Variants in DSCAM observed in about 807,000 individuals in gnomAD.
DSCAM encodes DS cell adhesion molecule.
A neutral mutation model predicts 217.7 loss-of-function variants in DSCAM; 47 were observed. The ratio of observed to expected loss-of-function variants is 0.22; its 90% confidence interval spans 0.17 to 0.28. The LOEUF is 0.28. Ranked by LOEUF, DSCAM falls within the 10% of genes least tolerant of loss-of-function variation. The pLI, the probability that DSCAM is intolerant of heterozygous loss-of-function variation, is 1.00. For missense variants in DSCAM, 2,080 were observed against 2,618.3 expected (o/e 0.79, Z 4.49); for synonymous variants, 1,056 against 1,015.3 (o/e 1.04, Z -0.76).
At chr21:40,830,587 C>T (rs1236337835) in intron 1 of DSCAM, among the ~76,000 whole-genome samples, 1 of 152,172 alleles carries the variant, frequency 6.6e-6, no homozygotes, top group Admixed American at 6.5e-5. Context: ...AATTAGACTG[C>T]CCGGGTTCAA....
At chr21:40,039,198 A>G (rs983124153) in intron 32 of DSCAM, among the ~76,000 whole-genome samples, 7 of 152,078 alleles carry the variant, frequency 4.6e-5, no homozygotes, top group Non-Finnish European at 7.4e-5. Context: ...AAGAATATGA[A>G]CTAAGAAAAA....
At chr21:40,483,561 T>C (rs936467858) in intron 3 of DSCAM, among the ~76,000 whole-genome samples, 1 of 152,218 alleles carries the variant, frequency 6.6e-6, no homozygotes, top group Non-Finnish European at 1.5e-5. Context: ...GATTACACAA[T>C]GATAATTTTT....
intron 11 of DSCAM, among the ~76,000 whole-genome samples, chr21:40,190,932 G>T (rs2090946792): frequency 6.6e-6 from 1 of 152,198 alleles, no homozygotes; most frequent in Non-Finnish European, 1.5e-5. Context: ...AAAGGAACAA[G>T]ATGTTAACAA....
chr21:40,637,624 C>T (rs1209429283), intron 3 of DSCAM, among the ~76,000 whole-genome samples: 1,614 of 33,262 alleles, frequency 0.049, 67 homozygotes, highest in Admixed American at 0.071. Context: ...TAAATATATA[C>T]ATATATAAAT....
chr21:40,417,340 CATTT>C, intron 3 of DSCAM, among the ~76,000 whole-genome samples: 1 of 152,208 alleles, frequency 6.6e-6, no homozygotes, highest in Middle Eastern at 3.4e-3. Context: ...ATTAACTCGT[CATTT>C]ACAGATTTAA....
At chr21:40,693,604 C>T (rs2090564292) in intron 2 of DSCAM, among the ~76,000 whole-genome samples, 1 of 151,710 alleles carries the variant, frequency 6.6e-6, no homozygotes. Context: ...TTTCTGACTG[C>T]AAAAAATGAA....
At chr21:40,719,637 C>T (rs568318135) in intron 1 of DSCAM, among the ~76,000 whole-genome samples, 1 of 152,280 alleles carries the variant, frequency 6.6e-6, no homozygotes, top group Admixed American at 6.5e-5. Flanking sequence ...ACAATCTGCA[C>T]ATAAAATATT....
chr21:40,096,588 G>A lies in DSCAM; in HGVS notation c.3697-2714C>T, dbSNP rs79003081. On this transcript the variant is annotated intron_variant, in intron 20 of 32. Coordinates refer to ENST00000400454, the MANE Select transcript of DSCAM (RefSeq NM_001389.5). ...ACATAGTGGAGTTCCTAAAGGAGGG[G>A]AGAGAGACAGGACCAAAAAAAGGTT... Among the ~76,000 whole-genome samples the A allele has an allele frequency of 2.0e-3, 309 of 152,158 alleles. 13 individuals are homozygous for A. The East Asian group carries it at 0.051, about 25-fold the overall frequency.
At chr21:40,555,443 T>C (rs1289458106) in intron 3 of DSCAM, among the ~76,000 whole-genome samples, 1 of 152,218 alleles carries the variant, frequency 6.6e-6, no homozygotes, top group East Asian at 1.9e-4. Context: ...AATTGGCTTC[T>C]GAAACCTTCT....
chr21:40,484,147 A>G (rs574948281), intron 3 of DSCAM, among the ~76,000 whole-genome samples: 33 of 152,348 alleles, frequency 2.2e-4, no homozygotes, highest in African/African-American at 7.5e-4. Flanking sequence ...AACAAAGTCC[A>G]CATCCAAAGA....
chr21:40,676,032 A>C (rs1876664058), intron 3 of DSCAM, among the ~76,000 whole-genome samples: 1 of 152,216 alleles, frequency 6.6e-6, no homozygotes. Flanking sequence ...AAAGGTGTAA[A>C]ATTTATAAAC....
At chr21:40,363,012 A>G (rs1045164096) in intron 4 of DSCAM, among the ~76,000 whole-genome samples, 5 of 152,086 alleles carry the variant, frequency 3.3e-5, no homozygotes, top group Non-Finnish European at 5.9e-5. Flanking sequence ...TGTCATTTTG[A>G]CAAGACCCCA....
At chr21:40,418,190 T>C (rs143400028) in intron 3 of DSCAM, among the ~76,000 whole-genome samples, 340 of 152,260 alleles carry the variant, frequency 2.2e-3, no homozygotes, top group African/African-American at 7.6e-3. Flanking sequence ...GATTCAGTGT[T>C]ATCCATTGTG....
At chr21:40,632,792 C>A (rs1447958152) in intron 3 of DSCAM, among the ~76,000 whole-genome samples, 1 of 152,172 alleles carries the variant, frequency 6.6e-6, no homozygotes, top group East Asian at 1.9e-4. Flanking sequence ...TGTGCTGCAT[C>A]CACAGGAAGC....
chr21:40,426,796 TG>T (rs1201600457), intron 3 of DSCAM, among the ~76,000 whole-genome samples: 3 of 152,056 alleles, frequency 2.0e-5, no homozygotes, highest in Non-Finnish European at 4.4e-5. Context: ...TCATTTGGGC[TG>T]GGGGGTTGGA....
intron 3 of DSCAM, among the ~76,000 whole-genome samples, chr21:40,388,954 T>C (rs971088335): frequency 6.6e-6 from 1 of 152,218 alleles, no homozygotes; most frequent in Admixed American, 6.5e-5. Context: ...AAATGTAGTG[T>C]ACAGTGTAAC....
At chr21:40,170,082 G>A (rs553465577) in intron 15 of DSCAM, among the ~76,000 whole-genome samples, 2 of 152,208 alleles carry the variant, frequency 1.3e-5, no homozygotes, top group East Asian at 1.9e-4. Context: ...TCCTCTCCAC[G>A]CTTTCGTTCC....
chr21:40,475,436 A>C (rs2075925355), intron 3 of DSCAM, among the ~76,000 whole-genome samples: 1 of 152,182 alleles, frequency 6.6e-6, no homozygotes, highest in Non-Finnish European at 1.5e-5. Context: ...ATGATTGTAG[A>C]TTAGAGTCAG....
rs1047371333 is a variant in DSCAM, at chr21:40,369,262, C to T, written c.509-17G>A. ...ATCTAGATCCTGAAATAGAGGAAAA[C>T]AGTGGCTTGGTTAAAAGACAATGAA... On this transcript the variant is annotated splice_polypyrimidine_tract_variant and intron_variant, in intron 3 of 32. Coordinates refer to ENST00000400454, the MANE Select transcript of DSCAM (RefSeq NM_001389.5). The T allele has an allele frequency of 1.2e-6, 2 of 1,602,660 alleles. No individual in the cohort carries two copies. Among genetic ancestry groups the T allele is most frequent in the African/African-American group, 2.7e-5 (2 of 74,460 alleles).
Sources: gnomAD v4.1 joint callset for allele counts (sites outside exome capture counted in the v4.1 genomes callset) on GRCh38, gnomAD v4.1.1 for gene constraint, MANE v1.5 for transcripts, NCBI Gene and HGNC (gene_info 2026-07-23, HGNC 2026-07-21) for gene names.